The following SKAP1 variants were observed in gnomAD, a reference collection of about 807,000 sequenced individuals.
SKAP1 encodes src kinase-associated phosphoprotein 1.
Under a neutral mutation model 58.5 loss-of-function variants are expected in SKAP1, and 44 were observed. The observed-to-expected ratio is 0.75, with a 90% CI of 0.59 to 0.97. The LOEUF (loss-of-function observed/expected upper bound fraction) is 0.97, where lower values mean the gene tolerates loss of function less well. Among genes scored for constraint, SKAP1 ranks in the 50% least tolerant of loss-of-function variants. The probability of loss-of-function intolerance (pLI) is 0.00; values close to 1 mark genes in which losing one functional copy is unlikely to be tolerated. For synonymous variants in SKAP1, 127 were observed against 149.7 expected, an observed-to-expected ratio of 0.85 and a Z score of 1.11; for missense variants, 390 against 435.2, an observed-to-expected ratio of 0.90 and a Z score of 0.92.
chr17:48,330,102 C>G (rs2066486155), intron 4 of SKAP1, among the ~76,000 whole-genome samples: 1 of 152,194 alleles, frequency 6.6e-6, no homozygotes, highest in Non-Finnish European at 1.5e-5. Flanking sequence ...GCTAATAAAT[C>G]TTTTGCAGGA....
intron 4 of SKAP1, among the ~76,000 whole-genome samples, chr17:48,236,123 T>A (rs1312939266): frequency 6.6e-6 from 1 of 152,076 alleles, no homozygotes; most frequent in African/African-American, 2.4e-5. Context: ...ATACATAGAG[T>A]TAACAAGGTT....
intron 1 of SKAP1, among the ~76,000 whole-genome samples, chr17:48,419,788 T>C (rs2067773749): frequency 6.6e-6 from 1 of 152,166 alleles, no homozygotes; most frequent in Non-Finnish European, 1.5e-5. Flanking sequence ...AAAGCGTCTA[T>C]TATTTGAATA....
At chr17:48,287,555 A>G (rs1313684579) in intron 4 of SKAP1, among the ~76,000 whole-genome samples, 1 of 152,088 alleles carries the variant, frequency 6.6e-6, no homozygotes, top group Non-Finnish European at 1.5e-5. Flanking sequence ...GGTAAGAAAG[A>G]AAAAAAAGGA....
At chr17:48,193,561 T>C in intron 4 of SKAP1, 1 of 293,476 alleles carries the variant, frequency 3.4e-6, no homozygotes, top group Non-Finnish European at 5.1e-6. Context: ...GTTCTCAATG[T>C]AGTTGGCTCT....
chr17:48,160,672 C>T (rs1417586533), intron 11 of SKAP1, among the ~76,000 whole-genome samples: 3 of 152,242 alleles, frequency 2.0e-5, no homozygotes, highest in Admixed American at 1.3e-4. Context: ...ACAAAATAAT[C>T]ATGACAGAGA....
intron 4 of SKAP1, among the ~76,000 whole-genome samples, chr17:48,209,994 T>C (rs1396000568): frequency 6.6e-6 from 1 of 152,116 alleles, no homozygotes; most frequent in Non-Finnish European, 1.5e-5. Flanking sequence ...CTGGGAGAGG[T>C]AGCACATTAA....
chr17:48,178,249 C>T (rs1333640548), intron 9 of SKAP1, among the ~76,000 whole-genome samples: 3 of 152,056 alleles, frequency 2.0e-5, no homozygotes, highest in African/African-American at 2.4e-5. Context: ...CATCAGCCCC[C>T]GCCCCCCGAC....
chr17:48,397,357 C>T (rs1009111105), intron 1 of SKAP1, among the ~76,000 whole-genome samples: 2 of 152,182 alleles, frequency 1.3e-5, no homozygotes, highest in Non-Finnish European at 2.9e-5. Context: ...TCCTGAGTAG[C>T]TGGGACTACA....
intron 4 of SKAP1, among the ~76,000 whole-genome samples, chr17:48,277,611 G>GA (rs540588661): frequency 1.3e-5 from 2 of 151,976 alleles, no homozygotes; most frequent in South Asian, 2.1e-4. Context: ...AAAAACCAGT[G>GA]AAAAAAATTT....
chr17:48,214,053 T>C (rs1159059600), intron 4 of SKAP1, among the ~76,000 whole-genome samples: 1 of 152,210 alleles, frequency 6.6e-6, no homozygotes, highest in Non-Finnish European at 1.5e-5. Flanking sequence ...AAACTAAAAG[T>C]ACAGCTTAGC....
intron 2 of SKAP1, among the ~76,000 whole-genome samples, chr17:48,366,697 C>T (rs1056565356): frequency 3.3e-5 from 5 of 152,178 alleles, no homozygotes; most frequent in African/African-American, 1.2e-4. Flanking sequence ...GCTAATCAAG[C>T]AAATCATCAA....
At chr17:48,429,337 G>A (rs72827869) in intron 1 of SKAP1, among the ~76,000 whole-genome samples, 12,511 of 152,286 alleles carry the variant, frequency 0.082, 668 homozygotes, top group East Asian at 0.22. Flanking sequence ...TCTCTTTGGA[G>A]TGTTGGCAGT....
At chr17:48,214,065 T>G (rs1459094328) in intron 4 of SKAP1, among the ~76,000 whole-genome samples, 1 of 152,234 alleles carries the variant, frequency 6.6e-6, no homozygotes, top group Non-Finnish European at 1.5e-5. Flanking sequence ...CAGCTTAGCA[T>G]TTCATAAAAT....
intron 3 of SKAP1, among the ~76,000 whole-genome samples, chr17:48,354,163 C>T (rs1171264669): frequency 6.6e-6 from 1 of 152,102 alleles, no homozygotes; most frequent in Non-Finnish European, 1.5e-5. Context: ...TAACATAAAC[C>T]TCCAATACCA....
chr17:48,360,162 A>G (rs540112205), intron 3 of SKAP1, among the ~76,000 whole-genome samples: 1 of 152,268 alleles, frequency 6.6e-6, no homozygotes, highest in South Asian at 2.1e-4. Context: ...ATATTATTCT[A>G]TATAATATTC....
Position 48,180,245 on chromosome 17 carries a change from A to C in SKAP1, c.635T>G (p.Leu212Arg), listed in dbSNP as rs756836327. ...VDQISFLLKD[L>R]SSLTIPYEED... The stretch of plus-strand genomic sequence containing the variant: ...TTCATATGGAATGGTTAAGGAGCTC[A>C]GATCTAACAAGGCAAAGATGAGAAT... Residue 212 changes from leucine to arginine, a missense_variant, in exon 9 of 13, where the codon CTG becomes CGG. Coordinates refer to ENST00000336915, the MANE Select transcript of SKAP1 (RefSeq NM_003726.4). 6.4e-7 allele frequency: 1 copy of C among 1,563,606 alleles called. No homozygotes were observed. The highest frequency in any genetic ancestry group is 8.7e-7 in the Non-Finnish European group (1 of 1,154,808).
intron 4 of SKAP1, among the ~76,000 whole-genome samples, chr17:48,206,285 T>C (rs913822141): frequency 5.9e-5 from 9 of 152,094 alleles, no homozygotes; most frequent in Non-Finnish European, 2.9e-5. Flanking sequence ...ACAAAGGATA[T>C]AGGTAAAGAG....
Position 48,396,672 on chromosome 17 carries a change from A to T in SKAP1, c.152+8T>A, listed in dbSNP as rs1350789362. 1 of 1,575,574 alleles carries T rather than the reference A, an allele frequency of 6.3e-7. No individual in the cohort carries two copies. The highest frequency in any genetic ancestry group is 2.2e-5 in the East Asian group (1 of 44,586). On this transcript the variant is annotated splice_region_variant and intron_variant, in intron 2 of 12. Coordinates refer to ENST00000336915, the MANE Select transcript of SKAP1 (RefSeq NM_003726.4). ...TGAAGAAGATTAATGGAACCAGTTT[A>T]TACAAACCTGGCTTTGATTTGCTGA... is the stretch of plus-strand genomic sequence containing the variant.
At chr17:48,159,700 G>A (rs2064041220) in intron 11 of SKAP1, among the ~76,000 whole-genome samples, 1 of 152,162 alleles carries the variant, frequency 6.6e-6, no homozygotes, top group African/African-American at 2.4e-5. Flanking sequence ...GAATGGTAGT[G>A]GAATCTCGTT....
Sources: allele counts gnomAD v4.1 joint callset (sites outside exome capture counted in the v4.1 genomes callset), GRCh38; gene constraint gnomAD v4.1.1; transcripts MANE v1.5; gene names NCBI Gene and HGNC (gene_info 2026-07-23, HGNC 2026-07-21).